Variants in ARHGAP24 observed in about 807,000 individuals in gnomAD.
The protein encoded by ARHGAP24 is Rho GTPase activating protein 24, also known as rho GTPase-activating protein 24.
In ARHGAP24, 50 loss-of-function variants were observed where a neutral mutation model predicts 76.4. The observed-to-expected ratio is 0.65, with a 90% CI of 0.52 to 0.83. The LOEUF (loss-of-function observed/expected upper bound fraction) is 0.83. ARHGAP24 is among the 40% of genes least tolerant of loss of function. The probability of loss-of-function intolerance (pLI) is 0.00; values close to 1 mark genes in which losing one functional copy is unlikely to be tolerated. For missense variants in ARHGAP24, 930 were observed against 914.2 expected, an observed-to-expected ratio of 1.02 and a Z score of -0.22; for synonymous variants, 345 against 323.3, an observed-to-expected ratio of 1.07 and a Z score of -0.72.
intron 5 of ARHGAP24, 198 bp downstream of exon 5, chr4:85,942,471 T>C (rs1737008555): frequency 5.2e-6 from 3 of 576,346 alleles, no homozygotes; most frequent in African/African-American, 1.9e-5. Flanking sequence ...TTCTCTTCCA[T>C]ACTTTCCATC....
rs115409885 is a variant in ARHGAP24, at chr4:85,995,269, T to C, written c.1615T>C (p.Phe539Leu). 3,504 of 1,613,892 alleles carry C rather than the reference T, an allele frequency of 2.2e-3. 59 individuals are homozygous for C. The African/African-American group carries it at 0.041, about 19-fold the overall frequency. The change falls in exon 9 of 10, where the codon TTC becomes CTC. Residue 539 changes from phenylalanine (F) to leucine (L), a missense_variant. Transcript: ENST00000395184. ...LSTYDNVHQQ[F>L]SMMNLDDKQS... is the part of the protein sequence containing the mutation. The stretch of plus-strand genomic sequence containing the variant: ...CACCTATGATAATGTCCATCAACAG[T>C]TCTCCATGATGAACCTTGATGACAA...
chr4:85,904,474 A>G (rs1734668474), intron 3 of ARHGAP24, among the ~76,000 whole-genome samples: 1 of 152,210 alleles, frequency 6.6e-6, no homozygotes, highest in Non-Finnish European at 1.5e-5. Flanking sequence ...GCAATTCAGC[A>G]TGTGATCTGG....
chr4:85,623,468 G>A lies in ARHGAP24; in HGVS notation c.180+52747G>A, dbSNP rs556691273. On this transcript the variant is annotated intron_variant, in intron 2 of 9. Transcript: ENST00000395184. ...TCCATTGGTCTATATCTCTGTTTTG[G>A]TACTATGCTGTTTTGGTTACTATAG... 2.6e-5 allele frequency among the ~76,000 whole-genome samples: 4 copies of A among 152,148 alleles called. No individual in the cohort carries two copies. The South Asian group carries it at 6.2e-4, about 24-fold the overall frequency.
At chr4:85,573,919 C>T (rs1727252715) in intron 2 of ARHGAP24, among the ~76,000 whole-genome samples, 1 of 152,152 alleles carries the variant, frequency 6.6e-6, no homozygotes, top group African/African-American at 2.4e-5. Flanking sequence ...GTATTTCTTG[C>T]TTTTTTCTTT....
At chr4:85,828,189 C>T (rs1035779166) in intron 3 of ARHGAP24, among the ~76,000 whole-genome samples, 11 of 152,144 alleles carry the variant, frequency 7.2e-5, no homozygotes, top group African/African-American at 2.4e-4. Context: ...TGTTCTTCCA[C>T]GCTGAAATGT....
intron 3 of ARHGAP24, among the ~76,000 whole-genome samples, chr4:85,795,074 TC>T (rs1457545852): frequency 6.6e-6 from 1 of 152,166 alleles, no homozygotes; most frequent in Non-Finnish European, 1.5e-5. Context: ...GCCAAGGAAG[TC>T]CCTCCAGGAA....
chr4:85,973,103 T>A (rs1225864161), intron 6 of ARHGAP24, among the ~76,000 whole-genome samples: 1 of 152,190 alleles, frequency 6.6e-6, no homozygotes, highest in Non-Finnish European at 1.5e-5. Flanking sequence ...TTGGGCCATA[T>A]GTGACTCTGT....
intron 2 of ARHGAP24, among the ~76,000 whole-genome samples, chr4:85,609,505 C>G (rs554335763): frequency 2.0e-5 from 3 of 152,076 alleles, no homozygotes; most frequent in Non-Finnish European, 4.4e-5. Context: ...ATTTTATTTT[C>G]CTTTAATATG....
Position 85,833,285 on chromosome 4 carries a change from C to T in ARHGAP24, c.269-90363C>T, listed in dbSNP as rs539630121. Among the ~76,000 whole-genome samples, 3 of 152,270 alleles carry T rather than the reference C, an allele frequency of 2.0e-5. No individual in the cohort carries two copies. The East Asian group carries it at 5.8e-4, about 29-fold the overall frequency. On this transcript the variant is annotated intron_variant, in intron 3 of 9. Transcript: ENST00000395184. ...CCTTTGAAGTTGCTATCGGAATAGA[C>T]TGAACTGATTCAAAAAGCTATCTAT... is the stretch of plus-strand genomic sequence containing the variant.
At position 85,591,031 on chromosome 4, in the gene ARHGAP24, G is replaced by GTTTT. The variant is rs35373441; in HGVS notation, c.180+20337_180+20340dup. Reference sequence around the variant, plus strand: ...AGCACTAACCTGTAAAATCTGCTGGGTTTTTTTTTTTTTTTTTTTTTTTTT... The same window carrying GTTTT: ...AGCACTAACCTGTAAAATCTGCTGGGTTTTTTTTTTTTTTTTTTTTTTTTTTTTT... On this transcript the variant is annotated intron_variant, in intron 2 of 9. Transcript: ENST00000395184. Among the ~76,000 whole-genome samples, 50 of 62,656 alleles carry GTTTT rather than the reference G, an allele frequency of 8.0e-4. 4 individuals are homozygous for GTTTT. The highest frequency in any genetic ancestry group is 9.5e-4 in the African/African-American group (14 of 14,740). The allele number at this position is 62,656 out of a possible 152,430, so 41.1% of individuals were successfully genotyped here. A position where few individuals can be genotyped will look rare whatever the true frequency, so the allele number is the denominator to read the frequency against.
At chr4:85,677,615 G>A (rs7681100) in intron 2 of ARHGAP24, among the ~76,000 whole-genome samples, 84,077 of 152,006 alleles carry the variant, frequency 0.55, 24,226 homozygotes, top group Non-Finnish European at 0.64. Context: ...TATTTTAATA[G>A]TGATTCTGTA....
intron 5 of ARHGAP24, among the ~76,000 whole-genome samples, chr4:85,969,329 G>T (rs931921037): frequency 2.6e-5 from 4 of 151,906 alleles, no homozygotes; most frequent in African/African-American, 9.7e-5. Context: ...CTTTACAGCA[G>T]ATTTCTTGTT....
intron 3 of ARHGAP24, among the ~76,000 whole-genome samples, chr4:85,870,359 C>CA (rs1242475784): frequency 1.3e-5 from 2 of 152,110 alleles, no homozygotes; most frequent in African/African-American, 4.8e-5. Flanking sequence ...TAGCAGAACT[C>CA]ATTCATTAGA....
At chr4:85,948,382 T>C (rs1393274817) in intron 5 of ARHGAP24, among the ~76,000 whole-genome samples, 1 of 152,190 alleles carries the variant, frequency 6.6e-6, no homozygotes, top group Non-Finnish European at 1.5e-5. Context: ...TTAATATTTA[T>C]ATATGGCTAA....
intron 3 of ARHGAP24, among the ~76,000 whole-genome samples, chr4:85,728,526 T>C (rs1725266688): frequency 6.6e-6 from 1 of 152,212 alleles, no homozygotes; most frequent in African/African-American, 2.4e-5. Flanking sequence ...TTTACCTCTC[T>C]GATTCAGTTG....
intron 3 of ARHGAP24, among the ~76,000 whole-genome samples, chr4:85,838,273 G>A (rs1338375831): frequency 6.6e-6 from 1 of 152,174 alleles, no homozygotes; most frequent in Non-Finnish European, 1.5e-5. Flanking sequence ...CCTCTCAAGA[G>A]AGACATGTAA....
intron 2 of ARHGAP24, among the ~76,000 whole-genome samples, chr4:85,663,993 G>A (rs1365538973): frequency 6.6e-6 from 1 of 151,496 alleles, no homozygotes; most frequent in South Asian, 2.1e-4. Flanking sequence ...TTTTGATTTT[G>A]TCTCTGCCCA....
At chr4:85,905,968 A>G (rs1734749840) in intron 3 of ARHGAP24, among the ~76,000 whole-genome samples, 1 of 152,154 alleles carries the variant, frequency 6.6e-6, no homozygotes, top group South Asian at 2.1e-4. Context: ...AAATAAAACC[A>G]TCAGCTCATT....
intron 3 of ARHGAP24, among the ~76,000 whole-genome samples, chr4:85,911,735 A>G (rs1433581402): frequency 2.0e-5 from 3 of 152,122 alleles, no homozygotes; most frequent in Non-Finnish European, 2.9e-5. Flanking sequence ...ATTTGTTGTA[A>G]TTTTTAAACA....
Sources: gnomAD v4.1 joint callset for allele counts (sites outside exome capture counted in the v4.1 genomes callset) on GRCh38, gnomAD v4.1.1 for gene constraint, MANE v1.5 for transcripts, NCBI Gene and HGNC (gene_info 2026-07-23, HGNC 2026-07-21) for gene names.